WDPCP: variants seen among roughly 807,000 people sequenced by gnomAD.
WDPCP encodes WD repeat containing planar cell polarity effector, also known as WD repeat-containing and planar cell polarity effector protein fritz homolog.
In WDPCP, 71 loss-of-function variants were observed where a neutral mutation model predicts 93.1. The ratio of observed to expected loss-of-function variants is 0.76; its 90% CI spans 0.63 to 0.93. The LOEUF (loss-of-function observed/expected upper bound fraction) is 0.93. WDPCP is among the 40% of genes least tolerant of loss of function. The pLI, the probability that WDPCP is intolerant of heterozygous loss-of-function variation, is 0.00. For missense variants in WDPCP, 844 were observed against 887.4 expected (o/e 0.95, Z 0.62); for synonymous variants, 315 against 315.0 (o/e 1.00, Z 0.00).
chr2:63,742,692 G>A (rs1035804996), intron 2 of WDPCP, among the ~76,000 whole-genome samples: 6 of 147,492 alleles, frequency 4.1e-5, no homozygotes, highest in African/African-American at 1.0e-4. Context: ...AGACCCATAC[G>A]AGATGACATA....
intron 17 of WDPCP, among the ~76,000 whole-genome samples, chr2:63,136,881 G>C (rs1362315284): frequency 6.6e-6 from 1 of 152,114 alleles, no homozygotes; most frequent in Non-Finnish European, 1.5e-5. Flanking sequence ...CCCTGAATGG[G>C]ACATGATCTT....
chr2:63,665,878 A>G (rs891740111), intron 2 of WDPCP, among the ~76,000 whole-genome samples: 2 of 152,262 alleles, frequency 1.3e-5, no homozygotes, highest in African/African-American at 4.8e-5. Context: ...AGATCCCTGC[A>G]TAGCCTTTAC....
intron 9 of WDPCP, among the ~76,000 whole-genome samples, chr2:63,406,014 T>A (rs149107994): frequency 1.1e-3 from 167 of 152,242 alleles, no homozygotes; most frequent in Non-Finnish European, 1.9e-3. Flanking sequence ...CTGGGGAAAC[T>A]GGGGGAAAGT....
At chr2:63,785,783 T>C (rs1670458294) in intron 2 of WDPCP, among the ~76,000 whole-genome samples, 1 of 152,182 alleles carries the variant, frequency 6.6e-6, no homozygotes, top group Non-Finnish European at 1.5e-5. Context: ...TGGAGAAACC[T>C]GATTTAACAT....
intron 12 of WDPCP, chr2:63,377,814 T>A (rs1395396893): frequency 6.5e-6 from 1 of 152,684 alleles, no homozygotes; most frequent in Non-Finnish European, 1.5e-5. Context: ...TATATATACA[T>A]GCTATTGTAT....
chr2:63,452,169 A>G lies in WDPCP; in HGVS notation c.385-12298T>C, dbSNP rs189134923. ...GTCAAATTGTCCCTGTTTGCAGATG[A>G]CATGATTGTATATCTAGAAAACCCC... is the stretch of plus-strand genomic sequence containing the variant. On this transcript the variant is annotated intron_variant, in intron 6 of 17. Coordinates refer to ENST00000272321, the MANE Select transcript of WDPCP (RefSeq NM_015910.7). Among the ~76,000 whole-genome samples, 855 of 152,332 alleles carry G rather than the reference A, an allele frequency of 5.6e-3. 6 individuals are homozygous for G. Among genetic ancestry groups the G allele is most frequent in the Middle Eastern group, 0.01 (3 of 294 alleles).
intron 1 of WDPCP, among the ~76,000 whole-genome samples, chr2:63,575,489 A>ACAGTATATGCACT (rs1257278044): frequency 5.8e-5 from 1 of 17,288 alleles, no homozygotes; most frequent in Non-Finnish European, 1.3e-4. Flanking sequence ...GTGTATATAT[A>ACAGTATATGCACT]GTATATACAG....
intron 1 of WDPCP, among the ~76,000 whole-genome samples, chr2:63,535,023 C>A (rs1238765084): frequency 6.6e-6 from 1 of 152,284 alleles, no homozygotes; most frequent in South Asian, 2.1e-4. Context: ...TCTCAGGATA[C>A]AAAATCAATG....
chr2:63,388,488 T>C (rs768365173), intron 10 of WDPCP, among the ~76,000 whole-genome samples: 2 of 152,074 alleles, frequency 1.3e-5, no homozygotes, highest in African/African-American at 2.4e-5. Context: ...GAGCGCCTCT[T>C]CTCCTCCAAA....
At chr2:63,815,056 C>T (rs568321271) in intron 1 of WDPCP, among the ~76,000 whole-genome samples, 61 of 152,176 alleles carry the variant, frequency 4.0e-4, no homozygotes, top group African/African-American at 1.4e-3. Flanking sequence ...TTGCAAAAGA[C>T]TGGAGTGGTA....
At chr2:63,683,618 C>T (rs1430801178) in intron 2 of WDPCP, among the ~76,000 whole-genome samples, 1 of 151,998 alleles carries the variant, frequency 6.6e-6, no homozygotes, top group Non-Finnish European at 1.5e-5. Flanking sequence ...TTCGGGAGGC[C>T]AAGGCGGGTG....
At chr2:63,640,561 A>G (rs559410183) in intron 3 of WDPCP, among the ~76,000 whole-genome samples, 1 of 152,360 alleles carries the variant, frequency 6.6e-6, no homozygotes, top group African/African-American at 2.4e-5. Flanking sequence ...ATAATGGTCC[A>G]AAACTTGAAC....
chr2:63,367,104 A>G (rs1690973974), intron 12 of WDPCP, among the ~76,000 whole-genome samples: 1 of 151,462 alleles, frequency 6.6e-6, no homozygotes, highest in Non-Finnish European at 1.5e-5. Flanking sequence ...ATTTGTAAAA[A>G]AAAAATTAAA....
intron 14 of WDPCP, among the ~76,000 whole-genome samples, chr2:63,198,795 A>G (rs146281832): frequency 9.3e-4 from 141 of 152,332 alleles, no homozygotes; most frequent in African/African-American, 2.9e-3. Flanking sequence ...GGGCATTGCT[A>G]TAAAGATACC....
intron 15 of WDPCP, among the ~76,000 whole-genome samples, chr2:63,160,628 C>T (rs562744485): frequency 1.4e-4 from 21 of 152,304 alleles, no homozygotes; most frequent in Admixed American, 3.9e-4. Flanking sequence ...AGCATTTACT[C>T]TGCCTTTCGA....
At position 63,595,536 on chromosome 2, in the gene WDPCP, A is replaced by G. The variant is rs1321786483; in HGVS notation, n.488+55123T>C. On this transcript the variant is annotated intron_variant and non_coding_transcript_variant, in intron 3 of 4. Transcript: ENST00000467687. ...TCCTGAAAGGTGGGTTGGGGAGTAGAGAAGGGATTTTATGGTATTTGATTT... is the reference window on the plus strand; with the variant it reads ...TCCTGAAAGGTGGGTTGGGGAGTAGGGAAGGGATTTTATGGTATTTGATTT... The G allele has an allele frequency of 6.8e-6, 10 of 1,470,884 alleles. No individual in the cohort carries two copies. In the South Asian group the frequency reaches 1.1e-4, roughly 17 times the overall value. The allele number at this position is 1,470,884 out of a possible 1,614,324, so 91.1% of individuals were successfully genotyped here.
intron 3 of WDPCP, chr2:63,605,363 C>T (rs779903909): frequency 1.1e-5 from 17 of 1,613,970 alleles, no homozygotes; most frequent in South Asian, 3.3e-5. Context: ...TCTGTGACCA[C>T]GTCAGGGACA....
intron 12 of WDPCP, among the ~76,000 whole-genome samples, chr2:63,317,731 C>T (rs575746738): frequency 5.9e-5 from 9 of 152,048 alleles, no homozygotes; most frequent in East Asian, 1.9e-4. Context: ...ATTGAAACTA[C>T]GCCCCTTCCT....
intron 2 of WDPCP, among the ~76,000 whole-genome samples, chr2:63,686,156 C>A (rs913867882): frequency 6.6e-6 from 1 of 152,124 alleles, no homozygotes; most frequent in African/African-American, 2.4e-5. Flanking sequence ...AGGAAGAAGT[C>A]AAGTTATCCT....
Sources: gnomAD v4.1 joint callset for allele counts (sites outside exome capture counted in the v4.1 genomes callset) on GRCh38, gnomAD v4.1.1 for gene constraint, MANE v1.5 for transcripts, NCBI Gene and HGNC (gene_info 2026-07-23, HGNC 2026-07-21) for gene names.